Variants in IGSF21 observed in about 807,000 individuals in gnomAD.
IGSF21 encodes the protein immunoglobulin superfamily member 21.
A neutral mutation model predicts 46.8 loss-of-function variants in IGSF21; 28 were observed. The ratio of observed to expected loss-of-function variants is 0.60; its 90% CI spans 0.44 to 0.82. The LOEUF (loss-of-function observed/expected upper bound fraction) is 0.82, where lower values mean the gene tolerates loss of function less well. Among genes scored for constraint, IGSF21 ranks in the 40% least tolerant of loss-of-function variants. IGSF21 has a pLI of 0.00. For synonymous variants in IGSF21, 284 were observed against 273.6 expected (o/e 1.04, Z -0.38); for missense variants, 624 against 665.5 (o/e 0.94, Z 0.69).
chr1:18,285,384 A>G (rs1286639088), intron 2 of IGSF21, among the ~76,000 whole-genome samples: 1 of 151,584 alleles, frequency 6.6e-6, no homozygotes, highest in Non-Finnish European at 1.5e-5. Flanking sequence ...TGCAGCCTAG[A>G]TTTGCTGGTT....
At chr1:18,261,414 A>G (rs1472914975) in intron 2 of IGSF21, among the ~76,000 whole-genome samples, 1 of 152,200 alleles carries the variant, frequency 6.6e-6, no homozygotes, top group Non-Finnish European at 1.5e-5. Flanking sequence ...TCCATAAGAC[A>G]TGCCCACCAG....
At chr1:18,108,322 G>T (rs1314255790) in intron 1 of IGSF21, 124 bp downstream of exon 1, 2 of 1,057,996 alleles carry the variant, frequency 1.9e-6, no homozygotes, top group Non-Finnish European at 2.4e-6. Flanking sequence ...CCTGCCCGGG[G>T]TCTGTGGAGC....
At chr1:18,226,652 T>C (rs1331267711) in intron 1 of IGSF21, among the ~76,000 whole-genome samples, 2 of 151,644 alleles carry the variant, frequency 1.3e-5, no homozygotes, top group African/African-American at 2.4e-5. Flanking sequence ...TCCAGGTCGA[T>C]TCTTGTTTTG....
chr1:18,295,089 A>G (rs1367787081), intron 3 of IGSF21, among the ~76,000 whole-genome samples: 2 of 151,790 alleles, frequency 1.3e-5, no homozygotes, highest in Non-Finnish European at 2.9e-5. Flanking sequence ...AGCCCCAAGG[A>G]CTCCTGGAGC....
chr1:18,189,822 C>T (rs149896622), intron 1 of IGSF21, among the ~76,000 whole-genome samples: 196 of 152,268 alleles, frequency 1.3e-3, no homozygotes, highest in African/African-American at 4.4e-3. Context: ...ATGTGTGGCC[C>T]GTTTCCTAAC....
intron 2 of IGSF21, among the ~76,000 whole-genome samples, chr1:18,238,363 A>T (rs2084692557): frequency 1.3e-5 from 2 of 152,130 alleles, no homozygotes; most frequent in South Asian, 4.1e-4. Context: ...TGTGATTGGG[A>T]TCCGTCCAGA....
chr1:18,172,728 C>A (rs758505798), intron 1 of IGSF21, among the ~76,000 whole-genome samples: 76 of 152,222 alleles, frequency 5.0e-4, no homozygotes, highest in Admixed American at 1.3e-4. Flanking sequence ...AGGGCTTCAA[C>A]ATATGAACTT....
At chr1:18,277,393 C>A (rs1488023797) in intron 2 of IGSF21, among the ~76,000 whole-genome samples, 2 of 152,186 alleles carry the variant, frequency 1.3e-5, no homozygotes, top group Non-Finnish European at 2.9e-5. Flanking sequence ...CTGCGTGGGG[C>A]CTTCAGAGGC....
At chr1:18,207,780 C>T (rs1384187412) in intron 1 of IGSF21, among the ~76,000 whole-genome samples, 3 of 152,188 alleles carry the variant, frequency 2.0e-5, no homozygotes, top group Non-Finnish European at 4.4e-5. Flanking sequence ...GTTGACACCT[C>T]TCCCACCAGA....
chr1:18,286,955 G>A (rs1033946127), intron 2 of IGSF21, among the ~76,000 whole-genome samples: 1 of 152,100 alleles, frequency 6.6e-6, no homozygotes, highest in African/African-American at 2.4e-5. Flanking sequence ...GCCGAGGCGG[G>A]CGGATCACGA....
intron 5 of IGSF21, among the ~76,000 whole-genome samples, chr1:18,363,968 T>C (rs2086131545): frequency 6.6e-6 from 1 of 152,118 alleles, no homozygotes; most frequent in African/African-American, 2.4e-5. Flanking sequence ...TTGGAGGCCA[T>C]AGACAGGTCC....
intron 2 of IGSF21, among the ~76,000 whole-genome samples, chr1:18,279,920 C>G (rs902766976): frequency 1.3e-5 from 2 of 152,238 alleles, no homozygotes. Flanking sequence ...TTGTGCACAG[C>G]GCCTGCTAAG....
intron 2 of IGSF21, among the ~76,000 whole-genome samples, chr1:18,248,250 G>A (rs984449943): frequency 1.3e-5 from 2 of 152,200 alleles, no homozygotes; most frequent in African/African-American, 2.4e-5. Context: ...GTGGGAGCCT[G>A]GCTGATGCTG....
Position 18,320,664 on chromosome 1 carries a change from A to G in IGSF21, c.306-14228A>G, listed in dbSNP as rs72936996. Among the ~76,000 whole-genome samples, 639 of 152,310 alleles carry G rather than the reference A, an allele frequency of 4.2e-3. 3 individuals are homozygous for G. The highest frequency in any genetic ancestry group is 0.021 in the South Asian group (102 of 4,824). Reference sequence around the variant, plus strand: ...TGAAGCTGCCCCTGGTCCATCCCAAAAGACAGACAGTGAGAGAGAGATCTC... The same window carrying G: ...TGAAGCTGCCCCTGGTCCATCCCAAGAGACAGACAGTGAGAGAGAGATCTC... On this transcript the variant is annotated intron_variant, in intron 3 of 9. Coordinates refer to ENST00000251296, the MANE Select transcript of IGSF21 (RefSeq NM_032880.5).
intron 2 of IGSF21, among the ~76,000 whole-genome samples, chr1:18,270,242 C>G (rs1465654020): frequency 6.6e-6 from 1 of 152,212 alleles, no homozygotes; most frequent in African/African-American, 2.4e-5. Flanking sequence ...TGCAGGGAAA[C>G]AGCTCCTTTG....
chr1:18,362,475 A>G (rs2086112082), intron 5 of IGSF21, among the ~76,000 whole-genome samples: 1 of 152,188 alleles, frequency 6.6e-6, no homozygotes. Flanking sequence ...AAAGTACTAG[A>G]ACTTCACAGC....
intron 3 of IGSF21, among the ~76,000 whole-genome samples, chr1:18,332,512 T>TA (rs1491263070): frequency 1.3e-5 from 2 of 150,440 alleles, no homozygotes; most frequent in East Asian, 3.9e-4. Flanking sequence ...TTTTTTTTTT[T>TA]ATCTAAAATA....
At chr1:18,136,285 G>T (rs1248437193) in intron 1 of IGSF21, among the ~76,000 whole-genome samples, 1 of 152,048 alleles carries the variant, frequency 6.6e-6, no homozygotes, top group Non-Finnish European at 1.5e-5. Flanking sequence ...TGTCAATTTT[G>T]GCTTTTGTTG....
chr1:18,210,692 G>A (rs1011570333), intron 1 of IGSF21, among the ~76,000 whole-genome samples: 3 of 151,990 alleles, frequency 2.0e-5, no homozygotes, highest in South Asian at 2.1e-4. Flanking sequence ...GGCTGTCCCC[G>A]CACTGCAGGG....
Sources: gnomAD v4.1 joint callset for allele counts (sites outside exome capture counted in the v4.1 genomes callset) on GRCh38, gnomAD v4.1.1 for gene constraint, MANE v1.5 for transcripts, NCBI Gene and HGNC (gene_info 2026-07-23, HGNC 2026-07-21) for gene names.